The following TK2 variants were observed in gnomAD, a reference collection of about 807,000 sequenced individuals.
TK2 encodes thymidine kinase 2, also known as thymidine kinase 2, mitochondrial.
A neutral mutation model predicts 41.9 loss-of-function variants in TK2; 35 were observed. The ratio of observed to expected loss-of-function variants is 0.84; its 90% CI spans 0.64 to 1.11. TK2 has a LOEUF of 1.11. Among genes scored for constraint, TK2 ranks in the 50% least tolerant of loss-of-function variants. The pLI is 0.00. For missense variants in TK2, 320 were observed against 351.1 expected, an observed-to-expected ratio of 0.91 and a Z score of 0.71; for synonymous variants, 128 against 129.1, an observed-to-expected ratio of 0.99 and a Z score of 0.06.
intron 4 of TK2, among the ~76,000 whole-genome samples, chr16:66,535,183 T>C (rs1965237038): frequency 6.6e-6 from 1 of 152,240 alleles, no homozygotes; most frequent in Admixed American, 6.5e-5. Flanking sequence ...AAGTGATGAA[T>C]TGAGATTTTT....
At chr16:66,549,494 G>A in intron 1 of TK2, 1 of 1,039,026 alleles carries the variant, frequency 9.6e-7, no homozygotes, top group Non-Finnish European at 1.2e-6. Context: ...GGGTGTAACA[G>A]TGACCCGTTT....
intron 1 of TK2, 76 bp from the exon 2 acceptor site, chr16:66,549,085 CA>C: frequency 6.2e-7 from 1 of 1,603,714 alleles, no homozygotes; most frequent in Non-Finnish European, 8.5e-7. Context: ...TACATGACCA[CA>C]AAAACACTAA....
At chr16:66,531,772 CT>C (rs1411258656) in intron 4 of TK2, among the ~76,000 whole-genome samples, 1 of 152,202 alleles carries the variant, frequency 6.6e-6, no homozygotes, top group East Asian at 1.9e-4. Context: ...TCATCTTAAC[CT>C]TGTTCACGGA....
intron 4 of TK2, among the ~76,000 whole-genome samples, chr16:66,534,643 T>A (rs1357303538): frequency 2.6e-5 from 4 of 152,190 alleles, no homozygotes; most frequent in Non-Finnish European, 2.9e-5. Flanking sequence ...GCCTAAACAC[T>A]CTTCATCCAG....
At position 66,537,106 on chromosome 16, in the gene TK2, A is replaced by G. The variant is rs149348808; in HGVS notation, c.232-89T>C. The G allele has an allele frequency of 4.9e-5, 77 of 1,563,764 alleles. 1 individual carries two copies. In the East Asian group the frequency reaches 1.5e-3, roughly 31 times the overall value. On this transcript the variant is annotated intron_variant, in intron 3 of 9. Transcript: ENST00000544898. The stretch of plus-strand genomic sequence containing the variant: ...GTGTTGAGGGGAAAGTGAGGAGAGA[A>G]GGGAAAAAGAGAGAAAAAGACTATC...
chr16:66,545,561 C>T (rs766243057), intron 2 of TK2, among the ~76,000 whole-genome samples: 4 of 152,188 alleles, frequency 2.6e-5, no homozygotes, highest in Non-Finnish European at 4.4e-5. Flanking sequence ...CGGTGGCTCA[C>T]GCCTGTAATC....
intron 3 of TK2, among the ~76,000 whole-genome samples, chr16:66,539,159 T>C (rs775186993): frequency 1.8e-4 from 27 of 152,112 alleles, no homozygotes; most frequent in Non-Finnish European, 3.7e-4. Context: ...AAAGTGCCAT[T>C]AAGAGTCATA....
chr16:66,535,205 C>A (rs1396630480), intron 4 of TK2, among the ~76,000 whole-genome samples: 2 of 152,270 alleles, frequency 1.3e-5, no homozygotes, highest in South Asian at 2.1e-4. Context: ...ACAAAAGTAT[C>A]GATCTTTCTT....
rs747110476 is a variant in TK2 at position 66,513,796 on chromosome 16, T to C, written c.634A>G (p.Ile212Val). The C allele has an allele frequency of 3.7e-6, 6 of 1,613,896 alleles. No homozygotes were observed. In the East Asian group the frequency reaches 8.9e-5, roughly 24 times the overall value. Residue 212 changes from isoleucine (I) to valine (V), a missense_variant, in exon 9 of 10, where the codon ATT (isoleucine) becomes GTT (valine). Coordinates refer to ENST00000544898, the MANE Select transcript of TK2 (RefSeq NM_004614.5). ...KVIPLEYLEAIHHLHEEWLIK... is the reference protein window; with the variant it reads ...KVIPLEYLEAVHHLHEEWLIK... ...AGCCACTCCTCATGGAGATGGTGAA[T>C]TGCTTCCAGGTATTCCTGCCAGGGA... is the stretch of plus-strand genomic sequence containing the variant.
chr16:66,544,923 C>G (rs146256416), intron 2 of TK2, among the ~76,000 whole-genome samples: 214 of 151,962 alleles, frequency 1.4e-3, no homozygotes, highest in African/African-American at 4.8e-3. Flanking sequence ...CCCGTCTCTA[C>G]TAAAAATACA....
chr16:66,530,292 A>C (rs1040523558), intron 5 of TK2, among the ~76,000 whole-genome samples: 1 of 152,224 alleles, frequency 6.6e-6, no homozygotes, highest in African/African-American at 2.4e-5. Flanking sequence ...CTGTAGGGAC[A>C]GTCTGTCTCC....
intron 3 of TK2, among the ~76,000 whole-genome samples, chr16:66,538,667 C>T (rs550885073): frequency 6.6e-6 from 1 of 152,334 alleles, no homozygotes; most frequent in Non-Finnish European, 1.5e-5. Context: ...CAGAAGCCAA[C>T]ATGTTTTCAA....
At chr16:66,526,052 G>A (rs537525509) in intron 6 of TK2, among the ~76,000 whole-genome samples, 1 of 152,308 alleles carries the variant, frequency 6.6e-6, no homozygotes, top group Admixed American at 6.5e-5. Flanking sequence ...TGGTGATGCA[G>A]GACCATGGGC....
At chr16:66,523,277 C>G (rs1964834658) in intron 6 of TK2, among the ~76,000 whole-genome samples, 1 of 152,122 alleles carries the variant, frequency 6.6e-6, no homozygotes, top group South Asian at 2.1e-4. Context: ...GTGAAGGGCT[C>G]CCCATCATGG....
At chr16:66,539,591 A>T (rs1200828756) in intron 3 of TK2, among the ~76,000 whole-genome samples, 1 of 142,110 alleles carries the variant, frequency 7.0e-6, no homozygotes. Flanking sequence ...ACAGAGCAAG[A>T]CTCCATCTCA....
chr16:66,531,336 A>T, intron 5 of TK2, 44 bp downstream of exon 5: 1 of 1,594,846 alleles, frequency 6.3e-7, no homozygotes, highest in East Asian at 2.2e-5. Flanking sequence ...CCCAAGTCTG[A>T]AGAAAACGTT....
At position 66,514,659 on chromosome 16, in the gene TK2, G is replaced by A. The variant is rs529898867; in HGVS notation, c.619-848C>T. On this transcript the variant is annotated intron_variant, in intron 8 of 9. Coordinates refer to ENST00000544898, the MANE Select transcript of TK2 (RefSeq NM_004614.5). The surrounding 1 kb of genome is among the most constrained non-coding windows in gnomAD (Gnocchi z 4.2). ...AGCCCCTCTGCCCGGCCACCACCCCGTCTGGGAGGTGTACCCAATAGCTCA... is the reference window on the plus strand; with the variant it reads ...AGCCCCTCTGCCCGGCCACCACCCCATCTGGGAGGTGTACCCAATAGCTCA... Among the ~76,000 whole-genome samples the A allele has an allele frequency of 6.6e-6, 1 of 151,692 alleles. No homozygotes were observed. The highest frequency in any genetic ancestry group is 1.5e-5 in the Non-Finnish European group (1 of 67,822).
At chr16:66,547,601 C>A (rs903699761) in intron 2 of TK2, among the ~76,000 whole-genome samples, 3 of 152,046 alleles carry the variant, frequency 2.0e-5, no homozygotes, top group Non-Finnish European at 4.4e-5. Flanking sequence ...CATCAGCCCC[C>A]CTACTCACAG....
chr16:66,532,016 C>G (rs1017775304), intron 4 of TK2, among the ~76,000 whole-genome samples: 2 of 151,316 alleles, frequency 1.3e-5, no homozygotes, highest in Admixed American at 6.6e-5. Context: ...GTACTATGCT[C>G]AGTACCTAGG....
Sources: allele counts gnomAD v4.1 joint callset (sites outside exome capture counted in the v4.1 genomes callset), GRCh38; gene constraint gnomAD v4.1.1; non-coding constraint Gnocchi (gnomAD v3.1); transcripts MANE v1.5; gene names NCBI Gene and HGNC (gene_info 2026-07-23, HGNC 2026-07-21).